Variants in ANTXR1 observed in about 807,000 individuals in gnomAD.
ANTXR1 encodes the protein ANTXR cell adhesion molecule 1.
A neutral mutation model predicts 78.1 loss-of-function variants in ANTXR1; 19 were observed. That is an observed-to-expected ratio of 0.24 (90% CI 0.17 to 0.36). The LOEUF (loss-of-function observed/expected upper bound fraction) is 0.36. Among genes scored for constraint, ANTXR1 ranks in the 10% least tolerant of loss-of-function variants. ANTXR1 has a pLI of 1.00. For synonymous variants in ANTXR1, 273 were observed against 260.5 expected, an observed-to-expected ratio of 1.05 and a Z score of -0.46; for missense variants, 518 against 718.6, an observed-to-expected ratio of 0.72 and a Z score of 3.19.
intron 12 of ANTXR1, among the ~76,000 whole-genome samples, chr2:69,136,964 T>G (rs1672925325): frequency 6.6e-6 from 1 of 152,178 alleles, no homozygotes; most frequent in Non-Finnish European, 1.5e-5. Context: ...AAATCATTGA[T>G]CAAGAGAACC....
intron 3 of ANTXR1, among the ~76,000 whole-genome samples, chr2:69,068,844 A>G (rs1006663535): frequency 6.6e-6 from 1 of 152,228 alleles, no homozygotes; most frequent in African/African-American, 2.4e-5. Context: ...TGGCTGGGAC[A>G]GTGGTGTTGG....
At chr2:69,054,293 A>G (rs1670008546) in intron 3 of ANTXR1, among the ~76,000 whole-genome samples, 1 of 152,124 alleles carries the variant, frequency 6.6e-6, no homozygotes, top group South Asian at 2.1e-4. Flanking sequence ...ATACTGTAGG[A>G]TTTCCCATGA....
intron 12 of ANTXR1, among the ~76,000 whole-genome samples, chr2:69,144,475 C>T (rs1489562952): frequency 6.6e-6 from 1 of 152,232 alleles, no homozygotes; most frequent in East Asian, 1.9e-4. Context: ...TAGGCACCCT[C>T]ACTCTGTACC....
chr2:69,148,210 G>A (rs1673283962), intron 12 of ANTXR1, among the ~76,000 whole-genome samples: 1 of 151,498 alleles, frequency 6.6e-6, no homozygotes, highest in African/African-American at 2.4e-5. Context: ...TGGCTTGTGT[G>A]TCCTCCCACA....
rs750094818 is a variant in ANTXR1, at chr2:69,013,587, G to A, written c.88G>A (p.Gly30Arg). ...GGTGCTCATCTGCGCCGGGCAAGGG[G>A]GACGCAGGGAGGATGGGGGTCCAGC... Reference protein sequence around the residue: ...TLVLICAGQGGRREDGGPACY... With the variant: ...TLVLICAGQGRRREDGGPACY... The change falls in exon 1 of 18, where the codon GGA (glycine) becomes AGA (arginine). Residue 30 changes from glycine (G) to arginine (R), a missense_variant. Gly to Arg is a moderately radical substitution (Grantham distance 125). This residue lies in a region of ANTXR1 where 55 missense variants were observed against 52.5 expected (regional missense o/e 1.05). Transcript: ENST00000303714. The surrounding 1 kb of genome is among the most constrained non-coding windows in gnomAD (Gnocchi z 5.0). The A allele has an allele frequency of 1.3e-6, 2 of 1,565,988 alleles. No individual in the cohort carries two copies. Among genetic ancestry groups the A allele is most frequent in the Non-Finnish European group, 1.7e-6 (2 of 1,154,578 alleles).
intron 16 of ANTXR1, among the ~76,000 whole-genome samples, chr2:69,188,789 C>T (rs1370397517): frequency 6.6e-6 from 1 of 152,136 alleles, no homozygotes; most frequent in Non-Finnish European, 1.5e-5. Context: ...ATAGATAAAG[C>T]GGAGGCAACT....
intron 13 of ANTXR1, among the ~76,000 whole-genome samples, chr2:69,161,412 C>A (rs923168153): frequency 6.6e-6 from 1 of 152,128 alleles, no homozygotes; most frequent in Non-Finnish European, 1.5e-5. Context: ...AAAAAGTTGA[C>A]CTCATTTCTT....
chr2:69,156,258 G>A (rs1276424436), intron 13 of ANTXR1, among the ~76,000 whole-genome samples: 1 of 152,122 alleles, frequency 6.6e-6, no homozygotes, highest in Non-Finnish European at 1.5e-5. Flanking sequence ...TTCTATCTCC[G>A]TGAGAAAACA....
chr2:69,170,011 A>G (rs1031769159), intron 13 of ANTXR1, among the ~76,000 whole-genome samples: 2 of 152,370 alleles, frequency 1.3e-5, no homozygotes, highest in East Asian at 3.9e-4. Flanking sequence ...TTATTTCTCT[A>G]TACAAAACCA....
intron 12 of ANTXR1, among the ~76,000 whole-genome samples, chr2:69,148,246 C>T (rs961894628): frequency 7.2e-5 from 11 of 152,216 alleles, no homozygotes; most frequent in Admixed American, 3.3e-4. Context: ...CCTTTCCACC[C>T]GCACTCATGC....
At chr2:69,029,889 G>A (rs1342757720) in intron 1 of ANTXR1, among the ~76,000 whole-genome samples, 1 of 152,084 alleles carries the variant, frequency 6.6e-6, no homozygotes, top group East Asian at 1.9e-4. Flanking sequence ...AGACTTTGTA[G>A]CAAAATATAA....
chr2:69,123,496 G>T (rs151073700), intron 11 of ANTXR1, among the ~76,000 whole-genome samples: 4 of 152,126 alleles, frequency 2.6e-5, no homozygotes, highest in East Asian at 1.9e-4. Context: ...CTAGATAATT[G>T]TTATCTCCTC....
intron 13 of ANTXR1, among the ~76,000 whole-genome samples, chr2:69,159,388 A>C (rs961896158): frequency 6.6e-6 from 1 of 152,208 alleles, no homozygotes; most frequent in African/African-American, 2.4e-5. Flanking sequence ...AGCCTAGGCA[A>C]CATGGTGAGA....
intron 13 of ANTXR1, among the ~76,000 whole-genome samples, chr2:69,154,158 T>C (rs755295748): frequency 4.6e-5 from 7 of 152,206 alleles, no homozygotes; most frequent in Non-Finnish European, 7.3e-5. Flanking sequence ...CAAGGCCAAA[T>C]TGAGTTTTGC....
In ANTXR1 at chr2:69,182,579, A is replaced by G; in HGVS notation, c.1272A>G (p.Glu424=). 1.9e-6 allele frequency: 3 copies of G among 1,614,252 alleles called. 1 individual carries two copies. The highest frequency in any genetic ancestry group is 2.2e-5 in the South Asian group (2 of 91,088). Residue 424 remains glutamate, a synonymous_variant, in exon 16 of 18, where the codon GAA becomes GAG. Coordinates refer to ENST00000303714, the MANE Select transcript of ANTXR1 (RefSeq NM_032208.3). ...KNARVKMPEQ[E]YEFPEPRNLN... is the part of the protein sequence containing the mutation. ...CAAGAGTCAAGATGCCGGAGCAGGA[A>G]TATGAATTCCCTGAGCCGCGAAATC... is the stretch of plus-strand genomic sequence containing the variant.
chr2:69,219,004 T>C (rs1308107467), intron 17 of ANTXR1, among the ~76,000 whole-genome samples: 1 of 152,220 alleles, frequency 6.6e-6, no homozygotes, highest in African/African-American at 2.4e-5. Flanking sequence ...CTCTAAATTC[T>C]GTCAATGGCT....
chr2:69,242,121 G>A (rs774936359), intron 17 of ANTXR1, among the ~76,000 whole-genome samples: 7 of 152,232 alleles, frequency 4.6e-5, no homozygotes, highest in African/African-American at 4.8e-5. Context: ...ACCCATGGGC[G>A]TACCCCTAGG....
intron 13 of ANTXR1, among the ~76,000 whole-genome samples, chr2:69,158,247 G>A (rs552563524): frequency 5.9e-5 from 9 of 152,286 alleles, no homozygotes; most frequent in African/African-American, 2.2e-4. Context: ...ACTCTTTGGG[G>A]CTCATTAAAC....
At chr2:69,077,122 G>A in intron 7 of ANTXR1, 1 of 499,540 alleles carries the variant, frequency 2.0e-6, no homozygotes, top group Non-Finnish European at 3.6e-6. Flanking sequence ...TATCAACCCA[G>A]GCCAAGCGTT....
Sources: gnomAD v4.1 joint callset for allele counts (sites outside exome capture counted in the v4.1 genomes callset) on GRCh38, gnomAD v4.1.1 for gene constraint, gnomAD v4.1.1 regional missense constraint, Gnocchi (gnomAD v3.1) non-coding constraint, MANE v1.5 for transcripts, NCBI Gene and HGNC (gene_info 2026-07-23, HGNC 2026-07-21) for gene names.